BTD: variants seen among roughly 807,000 people sequenced by gnomAD.
BTD encodes biotinidase, also known as biocytinase.
A neutral mutation model predicts 17.7 loss-of-function variants in BTD; 13 were observed. That is an observed-to-expected ratio of 0.74 (90% CI 0.48 to 1.17). The LOEUF is 1.17. Among genes scored for constraint, BTD ranks in the 50% most tolerant of loss-of-function variants. BTD has a pLI of 0.00. For missense variants in BTD, 674 were observed against 650.4 expected, an observed-to-expected ratio of 1.04 and a Z score of -0.39; for synonymous variants, 240 against 245.2, an observed-to-expected ratio of 0.98 and a Z score of 0.20.
At chr3:15,671,246 A>C (rs1248018095) in intron 3 of BTD, among the ~76,000 whole-genome samples, 1 of 152,212 alleles carries the variant, frequency 6.6e-6, no homozygotes, top group Non-Finnish European at 1.5e-5. Flanking sequence ...GTCGTAAGTT[A>C]CCACAAAGTG....
intron 1 of BTD, among the ~76,000 whole-genome samples, chr3:15,632,046 C>T (rs546450688): frequency 3.3e-5 from 5 of 152,268 alleles, no homozygotes; most frequent in African/African-American, 4.8e-5. Flanking sequence ...TGCACCCGCC[C>T]GTGAGGCATG....
intron 3 of BTD, among the ~76,000 whole-genome samples, chr3:15,698,874 G>C (rs2070097107): frequency 6.6e-6 from 1 of 152,086 alleles, no homozygotes; most frequent in African/African-American, 2.4e-5. Context: ...TTTCTTCACA[G>C]AATTGGAAAA....
chr3:15,715,920 T>C (rs1001445082), downstream of BTD, among the ~76,000 whole-genome samples: 1 of 152,064 alleles, frequency 6.6e-6, no homozygotes, highest in African/African-American at 2.4e-5. Context: ...GGATTCTGTC[T>C]TTCCAAAATG....
Position 15,643,966 on chromosome 3 carries a change from TTTAATTTATTTA to T in BTD, c.400-347_400-336del, listed in dbSNP as rs1322454748. On this transcript the variant is annotated intron_variant, in intron 3 of 3. Coordinates refer to ENST00000643237, the MANE Select transcript of BTD (RefSeq NM_001370658.1). ...AGGAAGGATTTTAAAAACTCATTTA[TTTAATTTATTTA>T]TTTATTTATTTATTTATTTATTTAT... 9.5e-5 allele frequency among the ~76,000 whole-genome samples: 10 copies of T among 105,284 alleles called. No individual in the cohort carries two copies. The Admixed American group carries it at 1.0e-3, about 11-fold the overall frequency. The allele number at this position is 105,284 out of a possible 152,430, so 69.1% of individuals were successfully genotyped here.
At chr3:15,607,260 C>G (rs1237911487) in intron 1 of BTD, among the ~76,000 whole-genome samples, 1 of 152,306 alleles carries the variant, frequency 6.6e-6, no homozygotes, top group East Asian at 1.9e-4. Context: ...ATGAATAAAT[C>G]TAACCTTTTT....
chr3:15,676,080 C>T (rs2066905817), intron 3 of BTD: 5 of 1,030,584 alleles, frequency 4.9e-6, no homozygotes, highest in Admixed American at 2.5e-5. Flanking sequence ...TTTTTGTCAA[C>T]TTGTGAAGAC....
At chr3:15,711,853 AT>A (rs1164091794) in exon 4 of BTD, among the ~76,000 whole-genome samples, 9 of 126,976 alleles carry the variant, frequency 7.1e-5, no homozygotes, top group African/African-American at 1.8e-4. Flanking sequence ...CGCCCAGCTA[AT>A]TTTTTTTTGT....
chr3:15,620,228 G>A (rs1003009112), intron 1 of BTD, among the ~76,000 whole-genome samples: 9 of 152,202 alleles, frequency 5.9e-5, no homozygotes, highest in Non-Finnish European at 7.3e-5. Flanking sequence ...CCCAACCCTA[G>A]CAAGCCTGAG....
chr3:15,626,835 T>C (rs139158233), intron 1 of BTD, among the ~76,000 whole-genome samples: 1 of 149,466 alleles, frequency 6.7e-6, no homozygotes, highest in Non-Finnish European at 1.5e-5. Context: ...ATAGGGGAGC[T>C]AGTCATATGT....
At chr3:15,603,278 A>G (rs186080235) in intron 1 of BTD, among the ~76,000 whole-genome samples, 49 of 152,302 alleles carry the variant, frequency 3.2e-4, no homozygotes, top group African/African-American at 1.1e-3. Context: ...GTCTTAACTC[A>G]TTTCAGCATT....
intron 3 of BTD, among the ~76,000 whole-genome samples, chr3:15,708,275 A>G (rs1449960216): frequency 6.6e-6 from 1 of 152,200 alleles, no homozygotes; most frequent in East Asian, 1.9e-4. Flanking sequence ...AAATAAGATG[A>G]AAATGCAGTT....
chr3:15,602,070 T>C (rs1462527704), intron 1 of BTD, 176 bp downstream of exon 1: 6 of 1,444,226 alleles, frequency 4.2e-6, no homozygotes, highest in Non-Finnish European at 5.4e-6. Context: ...TGCTACCGCG[T>C]TGCGTTTTCT....
At position 15,696,317 on chromosome 3, in the gene BTD, A is replaced by G. The variant is rs545058911; in HGVS notation, c.400-13743A>G. The G allele has an allele frequency of 1.0e-5, 10 of 983,408 alleles. No individual in the cohort carries two copies. The East Asian group carries it at 2.7e-4, about 26-fold the overall frequency. The allele number at this position is 983,408 out of a possible 1,614,324, so 60.9% of individuals were successfully genotyped here. Reference sequence around the variant, plus strand: ...TTAACCAATGATAAAAAGAGACTGAAATTAAAAACTGACAATTTTTCTTAT... The same window carrying G: ...TTAACCAATGATAAAAAGAGACTGAGATTAAAAACTGACAATTTTTCTTAT... On this transcript the variant is annotated intron_variant, in intron 3 of 3. Transcript: ENST00000672141.
chr3:15,602,065 C>T (rs1338884606), intron 1 of BTD, 171 bp downstream of exon 1: 10 of 1,447,774 alleles, frequency 6.9e-6, no homozygotes, highest in Non-Finnish European at 9.1e-6. Flanking sequence ...TGCTGTGCTA[C>T]CGCGTTGCGT....
chr3:15,632,819 A>G (rs9827673), intron 1 of BTD: 6,557 of 152,374 alleles, frequency 0.043, 402 homozygotes, highest in African/African-American at 0.14. Context: ...TGCCTGCTGA[A>G]CCCTTCAGAG....
chr3:15,698,129 G>T (rs1559358375), intron 3 of BTD, among the ~76,000 whole-genome samples: 2 of 151,830 alleles, frequency 1.3e-5, no homozygotes, highest in Non-Finnish European at 2.9e-5. Flanking sequence ...CATTAGTCTT[G>T]CTAGCGGTCT....
intron 3 of BTD, chr3:15,676,034 T>C: frequency 6.6e-7 from 1 of 1,524,502 alleles, no homozygotes; most frequent in South Asian, 1.2e-5. Flanking sequence ...TGCATGTGCA[T>C]GCACATACAC....
rs1049909613 is a variant in BTD at position 15,651,985 on chromosome 3, A to G, written c.*6497A>G. Reference sequence around the variant, plus strand: ...TTTTCTGGGGTCGTTTTGTGTAACCAATAAAATATGGCAGATGCGATGGCA... The same window carrying G: ...TTTTCTGGGGTCGTTTTGTGTAACCGATAAAATATGGCAGATGCGATGGCA... On this transcript the variant is annotated 3_prime_UTR_variant, in exon 4 of 4. Coordinates refer to ENST00000643237, the MANE Select transcript of BTD (RefSeq NM_001370658.1). Among the ~76,000 whole-genome samples, 1 of 152,222 alleles carries G rather than the reference A, an allele frequency of 6.6e-6. No individual in the cohort carries two copies. The highest frequency in any genetic ancestry group is 1.5e-5 in the Non-Finnish European group (1 of 68,042).
exon 4 of BTD, chr3:15,711,402 G>C (rs2126063223): frequency 2.9e-6 from 2 of 689,086 alleles, no homozygotes; most frequent in East Asian, 2.8e-5. Flanking sequence ...TTAAGTGCTA[G>C]AGTGCCTGTT....
Sources: gnomAD v4.1 joint callset for allele counts (sites outside exome capture counted in the v4.1 genomes callset) on GRCh38, gnomAD v4.1.1 for gene constraint, MANE v1.5 for transcripts, NCBI Gene and HGNC (gene_info 2026-07-23, HGNC 2026-07-21) for gene names.